The following ZFPM2 variants were observed in gnomAD, a reference collection of about 807,000 sequenced individuals.
ZFPM2 encodes zinc finger protein ZFPM2.
ZFPM2 carries 20 observed loss-of-function variants against 98.6 expected under a neutral mutation model. The observed-to-expected ratio is 0.20, with a 90% CI of 0.14 to 0.29. The LOEUF (loss-of-function observed/expected upper bound fraction) is 0.29. Among genes scored for constraint, ZFPM2 ranks in the 10% least tolerant of loss-of-function variants. The pLI, the probability that ZFPM2 is intolerant of heterozygous loss-of-function variation, is 1.00. For missense variants in ZFPM2, 1,310 were observed against 1,388.6 expected (o/e 0.94, Z 0.90); for synonymous variants, 518 against 502.7 (o/e 1.03, Z -0.41).
chr8:105,734,673 A>T (rs756497818), intron 5 of ZFPM2, among the ~76,000 whole-genome samples: 2 of 151,980 alleles, frequency 1.3e-5, no homozygotes, highest in Non-Finnish European at 1.5e-5. Context: ...CTGTAAACTT[A>T]TGAGAGATTG....
At chr8:105,438,962 T>A (rs536383974) in intron 2 of ZFPM2, among the ~76,000 whole-genome samples, 1 of 152,344 alleles carries the variant, frequency 6.6e-6, no homozygotes, top group African/African-American at 2.4e-5. Flanking sequence ...TGGCTACTGC[T>A]CTCATGCATA....
rs142448078 is a variant in ZFPM2 at position 105,534,584 on chromosome 8, T to G, written c.302-26779T>G. ...TTTTCTGAGGGAAAGCTTAAAAAGC[T>G]TAAGCTTATAAAGATTAATAGGAGT... On this transcript the variant is annotated intron_variant, in intron 3 of 7. Coordinates refer to ENST00000407775, the MANE Select transcript of ZFPM2 (RefSeq NM_012082.4). Among the ~76,000 whole-genome samples the G allele has an allele frequency of 3.2e-3, 491 of 152,062 alleles. 4 individuals carry two copies. Among genetic ancestry groups the G allele is most frequent in the African/African-American group, 0.011 (463 of 41,484 alleles).
At chr8:105,755,201 C>T (rs1232923080) in intron 5 of ZFPM2, among the ~76,000 whole-genome samples, 2 of 152,016 alleles carry the variant, frequency 1.3e-5, no homozygotes. Flanking sequence ...ATTTTATTGA[C>T]ATAGTAAAAA....
intron 5 of ZFPM2, among the ~76,000 whole-genome samples, chr8:105,684,499 A>G (rs1810686957): frequency 6.6e-6 from 1 of 152,122 alleles, no homozygotes; most frequent in South Asian, 2.1e-4. Flanking sequence ...CCAAAAGAAA[A>G]TACTGCAATT....
At chr8:105,679,740 T>G (rs1026030570) in intron 5 of ZFPM2, among the ~76,000 whole-genome samples, 5 of 148,382 alleles carry the variant, frequency 3.4e-5, no homozygotes, top group African/African-American at 1.2e-4. Flanking sequence ...GAGGCTACAG[T>G]GAGCTATAAG....
At chr8:105,579,874 T>C (rs372757655) in intron 4 of ZFPM2, among the ~76,000 whole-genome samples, 1 of 152,146 alleles carries the variant, frequency 6.6e-6, no homozygotes, top group African/African-American at 2.4e-5. Flanking sequence ...GCAGGATGAA[T>C]CATAGTGCTT....
chr8:105,527,509 C>T (rs771354740), intron 3 of ZFPM2, among the ~76,000 whole-genome samples: 1 of 152,160 alleles, frequency 6.6e-6, no homozygotes, highest in South Asian at 2.1e-4. Context: ...TTAAGTTGTG[C>T]GTTGAAACTC....
chr8:105,615,577 A>G (rs1319012725), intron 4 of ZFPM2, among the ~76,000 whole-genome samples: 8 of 152,162 alleles, frequency 5.3e-5, no homozygotes, highest in East Asian at 1.9e-4. Context: ...TGCTTATTCA[A>G]ATTGCTAAAT....
intron 3 of ZFPM2, among the ~76,000 whole-genome samples, chr8:105,547,575 CAG>C (rs1453662063): frequency 2.5e-5 from 3 of 119,736 alleles, no homozygotes; most frequent in Admixed American, 8.8e-5. Context: ...AAAAAGAAAT[CAG>C]AGTGTGTTTA....
At chr8:105,577,824 G>A (rs1815501097) in intron 4 of ZFPM2, among the ~76,000 whole-genome samples, 1 of 151,220 alleles carries the variant, frequency 6.6e-6, no homozygotes, top group South Asian at 2.1e-4. Context: ...AGTGAAAAGT[G>A]CTTCCATATT....
At chr8:105,720,624 G>A (rs1054039170) in intron 5 of ZFPM2, among the ~76,000 whole-genome samples, 3 of 151,746 alleles carry the variant, frequency 2.0e-5, no homozygotes, top group Non-Finnish European at 2.9e-5. Context: ...CATCTCTGTC[G>A]TGCCAATCAG....
At chr8:105,473,629 A>G (rs1812952396) in intron 3 of ZFPM2, among the ~76,000 whole-genome samples, 1 of 152,212 alleles carries the variant, frequency 6.6e-6, no homozygotes, top group Admixed American at 6.5e-5. Context: ...CATTGAGTTA[A>G]GATTCCTATT....
At chr8:105,366,244 A>G (rs993852897) in intron 1 of ZFPM2, among the ~76,000 whole-genome samples, 3 of 152,168 alleles carry the variant, frequency 2.0e-5, no homozygotes, top group African/African-American at 4.8e-5. Flanking sequence ...GGCATTGTCT[A>G]TGATAGTGAA....
chr8:105,430,813 G>C (rs1041298722), intron 2 of ZFPM2, among the ~76,000 whole-genome samples: 1 of 152,036 alleles, frequency 6.6e-6, no homozygotes, highest in African/African-American at 2.4e-5. Flanking sequence ...CAGAGATGTG[G>C]AAACTCTGTT....
chr8:105,736,406 C>A (rs1428830004), intron 5 of ZFPM2, among the ~76,000 whole-genome samples: 1 of 151,978 alleles, frequency 6.6e-6, no homozygotes, highest in Non-Finnish European at 1.5e-5. Flanking sequence ...ACTCCAGACC[C>A]AATGAATTTT....
chr8:105,730,191 A>G (rs1336341501), intron 5 of ZFPM2, among the ~76,000 whole-genome samples: 2 of 151,688 alleles, frequency 1.3e-5, no homozygotes, highest in East Asian at 2.0e-4. Flanking sequence ...CATCCTCCAC[A>G]GTGTCATTTA....
At chr8:105,380,634 T>TTATATATATTA (rs1810833565) in intron 1 of ZFPM2, among the ~76,000 whole-genome samples, 1 of 16,010 alleles carries the variant, frequency 6.2e-5, no homozygotes, top group Non-Finnish European at 1.1e-4. Flanking sequence ...AACATATATA[T>TTATATATATTA]TATATATATA....
intron 5 of ZFPM2, chr8:105,782,404 T>C (rs1047263166): frequency 1.3e-5 from 2 of 152,234 alleles, no homozygotes; most frequent in Admixed American, 6.5e-5. Flanking sequence ...GTGCTCTTCA[T>C]AGTTCATCTT....
At position 105,803,250 on chromosome 8, in the gene ZFPM2, C is replaced by A. The variant is rs1033814771; in HGVS notation, c.3168C>A (p.Ala1056=). The change falls in exon 8 of 8, where the codon GCC becomes GCA. Residue 1056 remains alanine, a synonymous_variant. Transcript: ENST00000407775. ...GGLKQDERPA[A]NPQQENISQN... ...TGAAACAAGATGAGAGACCTGCTGC[C>A]AACCCACAGCAAGAGAACATTTCCC... The A allele has an allele frequency of 8.1e-6, 13 of 1,602,832 alleles. No homozygotes were observed. The highest frequency in any genetic ancestry group is 1.7e-4 in the Middle Eastern group (1 of 6,004).
Sources: allele counts gnomAD v4.1 joint callset (sites outside exome capture counted in the v4.1 genomes callset), GRCh38; gene constraint gnomAD v4.1.1; transcripts MANE v1.5; gene names NCBI Gene and HGNC (gene_info 2026-07-23, HGNC 2026-07-21).